Variants in RAD51B observed in about 807,000 individuals in gnomAD.
The protein encoded by RAD51B is DNA repair protein RAD51 homolog 2.
RAD51B carries 38 observed loss-of-function variants against 42.2 expected under a neutral mutation model. The ratio of observed to expected loss-of-function variants is 0.90; its 90% CI spans 0.70 to 1.18. RAD51B has a LOEUF of 1.18. Ranked by LOEUF, RAD51B falls within the 50% of genes most tolerant of loss-of-function variation. The pLI is 0.00. For missense variants in RAD51B, 373 were observed against 400.7 expected (o/e 0.93, Z 0.59); for synonymous variants, 154 against 145.2 (o/e 1.06, Z -0.43).
At chr14:67,889,467 A>G (rs2043154727) in intron 7 of RAD51B, among the ~76,000 whole-genome samples, 1 of 149,680 alleles carries the variant, frequency 6.7e-6, no homozygotes. Flanking sequence ...CTTGCTATAT[A>G]TATAAGCTTA....
At chr14:68,256,108 C>T (rs2080749181) in intron 7 of RAD51B, among the ~76,000 whole-genome samples, 1 of 152,172 alleles carries the variant, frequency 6.6e-6, no homozygotes, top group Non-Finnish European at 1.5e-5. Context: ...TGCACCTTAC[C>T]TCTGACTAGA....
intron 10 of RAD51B, among the ~76,000 whole-genome samples, chr14:68,534,693 GGGTCAGATAT>G (rs1306704730): frequency 6.6e-6 from 1 of 152,202 alleles, no homozygotes; most frequent in East Asian, 1.9e-4. Context: ...GGTGGATATT[GGGTCAGATAT>G]TAATAGCAGT....
chr14:68,162,761 G>C (rs189679475), intron 7 of RAD51B, among the ~76,000 whole-genome samples: 2 of 152,166 alleles, frequency 1.3e-5, no homozygotes, highest in Non-Finnish European at 2.9e-5. Flanking sequence ...CTCCAGCCTG[G>C]ATGACAGAGC....
chr14:68,018,386 T>C (rs10129355), intron 7 of RAD51B, among the ~76,000 whole-genome samples: 35,531 of 152,140 alleles, frequency 0.23, 4,795 homozygotes, highest in Middle Eastern at 0.37. Flanking sequence ...AGAAGGAAAA[T>C]GCTTTCCTAA....
At chr14:68,039,701 T>C (rs1212757954) in intron 7 of RAD51B, among the ~76,000 whole-genome samples, 1 of 152,238 alleles carries the variant, frequency 6.6e-6, no homozygotes, top group African/African-American at 2.4e-5. Context: ...CATTAGATGC[T>C]ACATACATCA....
intron 7 of RAD51B, among the ~76,000 whole-genome samples, chr14:67,979,751 T>TC (rs1360681796): frequency 6.6e-6 from 1 of 152,192 alleles, no homozygotes; most frequent in Non-Finnish European, 1.5e-5. Flanking sequence ...GTTCTTTTTT[T>TC]CCCAAGTAGA....
intron 7 of RAD51B, among the ~76,000 whole-genome samples, chr14:68,222,036 AT>A (rs537494939): frequency 9.2e-5 from 14 of 152,370 alleles, no homozygotes; most frequent in South Asian, 6.2e-4. Context: ...ACATAAAAAA[AT>A]AATAGATGTT....
intron 7 of RAD51B, among the ~76,000 whole-genome samples, chr14:68,235,265 C>A (rs1442591895): frequency 3.9e-5 from 6 of 151,942 alleles, no homozygotes; most frequent in Non-Finnish European, 7.4e-5. Flanking sequence ...AGTGTCACTA[C>A]ATGATAGGAA....
intron 10 of RAD51B, among the ~76,000 whole-genome samples, chr14:68,559,594 G>A (rs1268366834): frequency 6.6e-6 from 1 of 151,902 alleles, no homozygotes; most frequent in Non-Finnish European, 1.5e-5. Context: ...TGGCCAGGCT[G>A]GTCTCGAACT....
intron 7 of RAD51B, among the ~76,000 whole-genome samples, chr14:68,024,926 C>G (rs1482475875): frequency 6.6e-6 from 1 of 151,912 alleles, no homozygotes; most frequent in East Asian, 1.9e-4. Flanking sequence ...TTTTCTTGTT[C>G]CAGTTCTCAA....
intron 7 of RAD51B, among the ~76,000 whole-genome samples, chr14:67,941,765 TG>T: frequency 6.6e-6 from 1 of 152,286 alleles, no homozygotes; most frequent in South Asian, 2.1e-4. Context: ...GTGGAAAAAG[TG>T]GGAAAGGATG....
At chr14:67,997,897 A>G (rs1366995548) in intron 7 of RAD51B, among the ~76,000 whole-genome samples, 1 of 152,206 alleles carries the variant, frequency 6.6e-6, no homozygotes, top group African/African-American at 2.4e-5. Context: ...TAATAGTAAT[A>G]TGGAAATTGT....
intron 7 of RAD51B, among the ~76,000 whole-genome samples, chr14:68,159,406 G>A (rs2078588314): frequency 1.3e-5 from 2 of 151,968 alleles, no homozygotes; most frequent in South Asian, 4.2e-4. Context: ...CGGATCATGA[G>A]GTCAGGAGTT....
At chr14:67,881,714 ATTG>A (rs925792193) in intron 5 of RAD51B, among the ~76,000 whole-genome samples, 4 of 152,140 alleles carry the variant, frequency 2.6e-5, no homozygotes, top group African/African-American at 9.7e-5. Context: ...CAAGCTTTCT[ATTG>A]TTCAGTACCT....
intron 10 of RAD51B, among the ~76,000 whole-genome samples, chr14:68,604,549 T>C (rs979632356): frequency 6.6e-6 from 1 of 152,184 alleles, no homozygotes; most frequent in South Asian, 2.1e-4. Context: ...GCCAGCTCCA[T>C]GTCCTCATGG....
chr14:68,238,959 G>A (rs1258450177), intron 7 of RAD51B, among the ~76,000 whole-genome samples: 4 of 152,182 alleles, frequency 2.6e-5, no homozygotes. Context: ...GTAGCATTCT[G>A]TGAACCACTA....
intron 9 of RAD51B, among the ~76,000 whole-genome samples, chr14:68,464,679 A>G (rs2085929910): frequency 6.6e-6 from 1 of 152,214 alleles, no homozygotes; most frequent in African/African-American, 2.4e-5. Context: ...CACTTTATCC[A>G]GAAGGCTATC....
At chr14:68,213,581 G>A (rs1264047241) in intron 7 of RAD51B, among the ~76,000 whole-genome samples, 2 of 152,178 alleles carry the variant, frequency 1.3e-5, no homozygotes, top group East Asian at 3.9e-4. Flanking sequence ...ACATTAGTTG[G>A]TGGGAAACTC....
At chr14:68,053,204 T>G (rs2076421806) in intron 7 of RAD51B, among the ~76,000 whole-genome samples, 1 of 152,220 alleles carries the variant, frequency 6.6e-6, no homozygotes, top group Non-Finnish European at 1.5e-5. Context: ...GCTTTTATTT[T>G]AGACATTTAG....
Sources: allele counts gnomAD v4.1 joint callset (sites outside exome capture counted in the v4.1 genomes callset), GRCh38; gene constraint gnomAD v4.1.1; transcripts MANE v1.5; gene names NCBI Gene and HGNC (gene_info 2026-07-23, HGNC 2026-07-21).